The following DIAPH2 variants were observed in gnomAD, a reference collection of about 807,000 sequenced individuals.
DIAPH2 encodes protein diaphanous homolog 2.
A neutral mutation model predicts 92.7 loss-of-function variants in DIAPH2; 35 were observed. The ratio of observed to expected loss-of-function variants is 0.38; its 90% CI spans 0.29 to 0.50. The LOEUF is 0.50. DIAPH2 is among the 20% of genes least tolerant of loss of function. DIAPH2 has a pLI of 0.94. For synonymous variants in DIAPH2, 301 were observed against 280.4 expected (o/e 1.07, Z -0.73); for missense variants, 701 against 819.5 (o/e 0.86, Z 1.77).
chrX:96,948,577 C>T (rs185632152), intron 14 of DIAPH2, among the ~76,000 whole-genome samples: 135 of 111,584 alleles, frequency 1.2e-3, no homozygotes, highest in African/African-American at 4.2e-3. Context: ...CTGTCTCAAA[C>T]GGTATGGGAT....
rs373795438 is a variant in DIAPH2 at position 97,269,760 on chromosome X, T to A, written c.2844+21921T>A. ...AGGAGATACTATTTTTATTTTTTTT[T>A]TTTTTTTTTGAGACAGAGTTTCAGT... On this transcript the variant is annotated intron_variant, in intron 23 of 26. Transcript: ENST00000324765. Among the ~76,000 whole-genome samples the A allele has an allele frequency of 1.3e-4, 14 of 108,361 alleles. No homozygotes were observed. In the East Asian group the frequency reaches 2.0e-3, roughly 16 times the overall value. 94.1% of individuals were successfully genotyped at this position (108,361 alleles called of 115,157 possible). A position where few individuals can be genotyped will look rare whatever the true frequency, so the allele number is the denominator to read the frequency against.
At chrX:97,031,926 C>A (rs1236990967) in intron 17 of DIAPH2, among the ~76,000 whole-genome samples, 3 of 111,575 alleles carry the variant, frequency 2.7e-5, no homozygotes, top group Non-Finnish European at 5.7e-5. Flanking sequence ...TGAGAGTACA[C>A]ATTGAGGCAT....
intron 5 of DIAPH2, among the ~76,000 whole-genome samples, chrX:96,892,122 A>C: frequency 8.9e-6 from 1 of 112,139 alleles, no homozygotes; most frequent in South Asian, 3.7e-4. Flanking sequence ...AACCTGTATT[A>C]AACTTATTAA....
At chrX:97,084,122 G>A (rs2066766881) in intron 19 of DIAPH2, among the ~76,000 whole-genome samples, 1 of 107,103 alleles carries the variant, frequency 9.3e-6, no homozygotes, top group African/African-American at 3.4e-5. Context: ...TTTTAAATAT[G>A]TCATTTAGAT....
chrX:97,234,765 G>A (rs1343606726), intron 22 of DIAPH2, among the ~76,000 whole-genome samples: 1 of 111,415 alleles, frequency 9.0e-6, no homozygotes, highest in African/African-American at 3.3e-5. Flanking sequence ...AGCATTCTTA[G>A]TTCACAGGCC....
chrX:96,949,303 A>C (rs1467413728), intron 15 of DIAPH2, among the ~76,000 whole-genome samples: 2 of 111,226 alleles, frequency 1.8e-5, no homozygotes, highest in Non-Finnish European at 3.8e-5. Flanking sequence ...TTTGAGATGA[A>C]ATTTTCGTGA....
At chrX:97,583,002 C>G (rs1045259528) in intron 26 of DIAPH2, among the ~76,000 whole-genome samples, 2 of 111,981 alleles carry the variant, frequency 1.8e-5, no homozygotes, top group African/African-American at 6.5e-5. Flanking sequence ...ACATAGTTCT[C>G]GAGCTTTGGT....
intron 17 of DIAPH2, among the ~76,000 whole-genome samples, chrX:97,048,240 C>G (rs905121009): frequency 1.8e-5 from 2 of 111,120 alleles, no homozygotes; most frequent in African/African-American, 6.5e-5. Context: ...TTCTTTCCTT[C>G]CAATCTCCAT....
intron 4 of DIAPH2, among the ~76,000 whole-genome samples, chrX:96,849,843 A>T (rs2064995908): frequency 8.9e-6 from 1 of 112,196 alleles, no homozygotes; most frequent in African/African-American, 3.2e-5. Context: ...AACATAATAC[A>T]GTGGTTCAGA....
chrX:97,103,001 C>T (rs527737080), intron 20 of DIAPH2, among the ~76,000 whole-genome samples: 2 of 111,742 alleles, frequency 1.8e-5, no homozygotes, highest in African/African-American at 6.5e-5. Flanking sequence ...TCCAAGGTTA[C>T]ATAGTAACTA....
intron 26 of DIAPH2, among the ~76,000 whole-genome samples, chrX:97,582,415 C>A (rs1418538151): frequency 1.0e-5 from 1 of 98,314 alleles, no homozygotes; most frequent in African/African-American, 3.8e-5. Flanking sequence ...TATTTTATTT[C>A]TCCTTCACTT....
At chrX:97,181,725 T>C (rs1238175438) in intron 22 of DIAPH2, among the ~76,000 whole-genome samples, 3 of 112,671 alleles carry the variant, frequency 2.7e-5, no homozygotes, top group African/African-American at 9.7e-5. Flanking sequence ...TGTGTGTTTT[T>C]AACAAAGGCC....
intron 4 of DIAPH2, among the ~76,000 whole-genome samples, chrX:96,764,588 G>C (rs1329739119): frequency 1.8e-5 from 2 of 111,677 alleles, no homozygotes; most frequent in African/African-American, 6.5e-5. Context: ...GCTGGATTAG[G>C]CTAATGGTTC....
At chrX:97,166,529 A>G (rs2067413737) in intron 22 of DIAPH2, among the ~76,000 whole-genome samples, 1 of 112,035 alleles carries the variant, frequency 8.9e-6, no homozygotes, top group South Asian at 3.7e-4. Context: ...GCTGTTGAAT[A>G]GTACCTGACT....
At chrX:97,551,868 A>G (rs1274689596) in intron 26 of DIAPH2, among the ~76,000 whole-genome samples, 1 of 111,708 alleles carries the variant, frequency 9.0e-6, no homozygotes, top group Admixed American at 9.5e-5. Context: ...GGCATTGTGA[A>G]GATGAGAGCC....
intron 19 of DIAPH2, among the ~76,000 whole-genome samples, chrX:97,090,016 C>T (rs1168059925): frequency 8.9e-6 from 1 of 112,507 alleles, no homozygotes; most frequent in African/African-American, 3.2e-5. Context: ...GCGTGAGCCA[C>T]CGGGCCCAGC....
At position 96,697,594 on chromosome X, in the gene DIAPH2, C is replaced by T. The variant is rs778195692; in HGVS notation, c.132+12404C>T. ...CCGGGAGGCAGAGGTTGCAGTGAGCCGAGATCCGCCACTGCACTTCAGCCT... is the reference window on the plus strand; with the variant it reads ...CCGGGAGGCAGAGGTTGCAGTGAGCTGAGATCCGCCACTGCACTTCAGCCT... On this transcript the variant is annotated intron_variant, in intron 1 of 26. Coordinates refer to ENST00000324765, the MANE Select transcript of DIAPH2 (RefSeq NM_006729.5). 6.3e-5 allele frequency among the ~76,000 whole-genome samples: 7 copies of T among 110,988 alleles called. No homozygotes were observed. The South Asian group carries it at 1.5e-3, about 24-fold the overall frequency.
At chrX:97,136,950 T>C (rs1369162205) in intron 21 of DIAPH2, among the ~76,000 whole-genome samples, 1 of 110,282 alleles carries the variant, frequency 9.1e-6, no homozygotes, top group Non-Finnish European at 1.9e-5. Flanking sequence ...GTTTCTTTTC[T>C]ATATCATTTT....
chrX:96,770,738 T>C (rs1256731133), intron 4 of DIAPH2, among the ~76,000 whole-genome samples: 5 of 112,020 alleles, frequency 4.5e-5, no homozygotes, highest in African/African-American at 1.6e-4. Context: ...ATATATAAAA[T>C]AGAAAAACTC....
Sources: gnomAD v4.1 joint callset for allele counts (sites outside exome capture counted in the v4.1 genomes callset) on GRCh38, gnomAD v4.1.1 for gene constraint, MANE v1.5 for transcripts, NCBI Gene and HGNC (gene_info 2026-07-23, HGNC 2026-07-21) for gene names.